ZBTB46: variants seen among roughly 807,000 people sequenced by gnomAD.
ZBTB46 encodes zinc finger and BTB domain containing 46.
In ZBTB46, 8 loss-of-function variants were observed where a neutral mutation model predicts 44.1. The observed-to-expected ratio is 0.18, with a 90% confidence interval of 0.11 to 0.33. The LOEUF (loss-of-function observed/expected upper bound fraction) is 0.33, where lower values mean the gene tolerates loss of function less well. Among genes scored for constraint, ZBTB46 ranks in the 10% least tolerant of loss-of-function variants. The pLI, the probability that ZBTB46 is intolerant of heterozygous loss-of-function variation, is 1.00. For synonymous variants in ZBTB46, 409 were observed against 382.3 expected (o/e 1.07, Z -0.81); for missense variants, 651 against 847.7 (o/e 0.77, Z 2.88).
At chr20:63,830,051 G>C (rs142058604) in intron 1 of ZBTB46, among the ~76,000 whole-genome samples, 1 of 152,338 alleles carries the variant, frequency 6.6e-6, no homozygotes, top group Non-Finnish European at 1.5e-5. Context: ...TTGCAGCACG[G>C]AAAGCGAGAG....
intron 3 of ZBTB46, among the ~76,000 whole-genome samples, chr20:63,772,030 G>A (rs1035504565): frequency 3.0e-5 from 4 of 131,974 alleles, no homozygotes; most frequent in South Asian, 2.4e-4. Context: ...GACGAGTTTC[G>A]GTCTTGTTGC....
chr20:63,810,784 G>A (rs903976274), intron 1 of ZBTB46, among the ~76,000 whole-genome samples: 3 of 152,260 alleles, frequency 2.0e-5, no homozygotes, highest in Middle Eastern at 3.4e-3. Flanking sequence ...ACACAAACGC[G>A]AGAACGTGCC....
At chr20:63,779,898 T>C (rs990724538) in intron 2 of ZBTB46, among the ~76,000 whole-genome samples, 17 of 151,950 alleles carry the variant, frequency 1.1e-4, no homozygotes, top group African/African-American at 3.6e-4. Context: ...TAAATCTAAA[T>C]TATTGTAACA....
intron 1 of ZBTB46, 128 bp from the exon 2 acceptor site, chr20:63,790,918 C>T: frequency 7.5e-7 from 1 of 1,329,122 alleles, no homozygotes; most frequent in Non-Finnish European, 1.0e-6. Context: ...CACGCGAGAG[C>T]CCATCCACAG....
chr20:63,808,997 AAAG>A (rs2092701738), intron 1 of ZBTB46, among the ~76,000 whole-genome samples: 1 of 145,126 alleles, frequency 6.9e-6, no homozygotes, highest in Non-Finnish European at 1.5e-5. Context: ...AAAAAAAAAA[AAAG>A]AAAAAGAAAA....
At chr20:63,827,917 A>G (rs2092828567) in intron 1 of ZBTB46, among the ~76,000 whole-genome samples, 1 of 152,118 alleles carries the variant, frequency 6.6e-6, no homozygotes, top group African/African-American at 2.4e-5. Flanking sequence ...TTGTTTATTT[A>G]TTACTTAATT....
Position 63,787,538 on chromosome 20 carries a change from C to T in ZBTB46, c.937+2283G>A, listed in dbSNP as rs1220610417. Among the ~76,000 whole-genome samples the T allele has an allele frequency of 6.6e-6, 1 of 152,208 alleles. No individual in the cohort carries two copies. Among genetic ancestry groups the T allele is most frequent in the Non-Finnish European group, 1.5e-5 (1 of 68,040 alleles). On this transcript the variant is annotated intron_variant, in intron 2 of 4. Transcript: ENST00000245663. This position sits in a 1 kb window ranked among gnomAD's most constrained non-coding sequence, Gnocchi z 4.6. ...CTTTCTATGTTTAGACACACAAACA[C>T]TTCCCATGGTGCCACAGCTGCCTGC...
chr20:63,790,598 G>A lies in ZBTB46; in HGVS notation c.160C>T (p.Arg54Cys), dbSNP rs747852233. The A allele has an allele frequency of 1.2e-6, 2 of 1,612,424 alleles. No homozygotes were observed. The highest frequency in any genetic ancestry group is 1.7e-6 in the Non-Finnish European group (2 of 1,180,028). Reference sequence around the variant, plus strand: ...TGGCAGTAGAGCGTCTTGAAGTAGCGGCTGCTGCCCAGCAGGACGTTCTTG... The same window carrying A: ...TGGCAGTAGAGCGTCTTGAAGTAGCAGCTGCTGCCCAGCAGGACGTTCTTG... The part of the protein sequence containing the change: ...AHKNVLLGSS[R>C]YFKTLYCQVQ... Residue 54 changes from arginine (R) to cysteine (C), a missense_variant, in exon 2 of 5, where the codon CGC (arginine) becomes TGC (cysteine). By Grantham distance (180) the Arg-to-Cys change is radical. Transcript: ENST00000245663.
rs562239646 is a variant in ZBTB46, at chr20:63,787,263, ATAGCCATCGCCATCC to A, written c.937+2543_937+2557del. Among the ~76,000 whole-genome samples, 37 of 152,232 alleles carry A rather than the reference ATAGCCATCGCCATCC, an allele frequency of 2.4e-4. No individual in the cohort carries two copies. Among genetic ancestry groups the A allele is most frequent in the South Asian group, 1.7e-3 (8 of 4,824 alleles). ...CCTGTCACCTGGTGGCGTGACAGGA[ATAGCCATCGCCATCC>A]TAGCCATCGCCATCCTAGCCATCGC... On this transcript the variant is annotated intron_variant, in intron 2 of 4. Coordinates refer to ENST00000245663, the MANE Select transcript of ZBTB46 (RefSeq NM_001369741.1). The surrounding 1 kb of genome is among the most constrained non-coding windows in gnomAD (Gnocchi z 4.6).
intron 1 of ZBTB46, among the ~76,000 whole-genome samples, chr20:63,813,771 A>G (rs1312623888): frequency 6.6e-6 from 1 of 152,214 alleles, no homozygotes; most frequent in East Asian, 1.9e-4. Flanking sequence ...CCCAACTCTG[A>G]TTCAAGTAAA....
At chr20:63,779,405 AAT>A (rs1568859718) in intron 2 of ZBTB46, among the ~76,000 whole-genome samples, 3 of 78,206 alleles carry the variant, frequency 3.8e-5, no homozygotes, top group African/African-American at 1.7e-4. Flanking sequence ...CACGCCGGCT[AAT>A]TTTTTTTTTT....
intron 1 of ZBTB46, among the ~76,000 whole-genome samples, chr20:63,808,866 A>C (rs1601518359): frequency 6.6e-6 from 1 of 150,712 alleles, no homozygotes; most frequent in East Asian, 2.0e-4. Context: ...AGTCCCAGCT[A>C]CTCGGGAGGC....
At chr20:63,769,565 G>A (rs1039135047) in intron 3 of ZBTB46, among the ~76,000 whole-genome samples, 127 of 152,310 alleles carry the variant, frequency 8.3e-4, no homozygotes, top group African/African-American at 2.9e-3. Context: ...CCAAATGCCC[G>A]AGGTCTCCAC....
rs369771987 is a variant in ZBTB46 at position 63,775,727 on chromosome 20, G to A, written c.1173C>T (p.Asp391=). 1.1e-5 allele frequency: 17 copies of A among 1,609,090 alleles called. No homozygotes were observed. Among genetic ancestry groups the A allele is most frequent in the Middle Eastern group, 1.7e-4 (1 of 6,024 alleles). ...LSLKADVLGD[D]GSLLFEYLPR... ...GCAGGTACTCGAACAGCAGGGAGCCGTCATCCCCCAGCACGTCGGCCTTCA... is the reference window on the plus strand; with the variant it reads ...GCAGGTACTCGAACAGCAGGGAGCCATCATCCCCCAGCACGTCGGCCTTCA... The change falls in exon 3 of 5, where the codon GAC becomes GAT. Residue 391 remains aspartate, a synonymous_variant. Transcript: ENST00000245663.
intron 1 of ZBTB46, among the ~76,000 whole-genome samples, chr20:63,800,429 G>C (rs1601498898): frequency 1.3e-5 from 2 of 152,168 alleles, no homozygotes; most frequent in African/African-American, 4.8e-5. Flanking sequence ...ACTCACTCTT[G>C]GCGCCTCCTC....
At chr20:63,810,543 T>C (rs751008349) in intron 1 of ZBTB46, among the ~76,000 whole-genome samples, 1 of 152,146 alleles carries the variant, frequency 6.6e-6, no homozygotes, top group African/African-American at 2.4e-5. Flanking sequence ...ATCAGGAGTT[T>C]GAGACCGTCC....
chr20:63,811,206 G>A (rs113033986), intron 1 of ZBTB46, among the ~76,000 whole-genome samples: 15,330 of 150,808 alleles, frequency 0.1, 1,246 homozygotes, highest in African/African-American at 0.23. Context: ...CCACAGGGGC[G>A]AGTCTGGGTC....
intron 1 of ZBTB46, among the ~76,000 whole-genome samples, chr20:63,827,666 G>A (rs1159010445): frequency 2.0e-5 from 3 of 149,358 alleles, no homozygotes; most frequent in Middle Eastern, 3.2e-3. Context: ...AAATGCTTTT[G>A]AAAAATACAC....
Position 63,812,045 on chromosome 20 carries a change from TGGC to T in ZBTB46, c.-34+19049_-34+19051del, listed in dbSNP as rs112760460. 1.2e-3 allele frequency among the ~76,000 whole-genome samples: 182 copies of T among 152,224 alleles called. 1 individual carries two copies. The highest frequency in any genetic ancestry group is 4.1e-3 in the African/African-American group (172 of 41,540). On this transcript the variant is annotated intron_variant, in intron 1 of 4. Coordinates refer to ENST00000245663, the MANE Select transcript of ZBTB46 (RefSeq NM_001369741.1). ...AGGCTTTAGTGCTGACCCACCAAAG[TGGC>T]GGCGATCTTTTCGGAACAAAACTCT... is the stretch of plus-strand genomic sequence containing the variant.
Sources: allele counts gnomAD v4.1 joint callset (sites outside exome capture counted in the v4.1 genomes callset), GRCh38; gene constraint gnomAD v4.1.1; non-coding constraint Gnocchi (gnomAD v3.1); transcripts MANE v1.5; gene names NCBI Gene and HGNC (gene_info 2026-07-23, HGNC 2026-07-21).